Variants in PHACTR1 observed in about 807,000 individuals in gnomAD.
PHACTR1 encodes the protein RPEL repeat containing 1.
A neutral mutation model predicts 69.2 loss-of-function variants in PHACTR1; 16 were observed. The observed-to-expected ratio is 0.23, with a 90% CI of 0.16 to 0.35. PHACTR1 has a LOEUF of 0.35. PHACTR1 is among the 10% of genes least tolerant of loss of function. PHACTR1 has a pLI of 1.00. For synonymous variants in PHACTR1, 312 were observed against 284.5 expected, an observed-to-expected ratio of 1.10 and a Z score of -0.97; for missense variants, 510 against 734.7, an observed-to-expected ratio of 0.69 and a Z score of 3.54.
At chr6:12,823,972 C>G (rs890142541) in intron 4 of PHACTR1, among the ~76,000 whole-genome samples, 5 of 152,132 alleles carry the variant, frequency 3.3e-5, no homozygotes, top group African/African-American at 1.2e-4. Flanking sequence ...CCCCAACCCC[C>G]GGGCCAGGGA....
chr6:13,094,259 T>G (rs1258806765), intron 5 of PHACTR1, among the ~76,000 whole-genome samples: 1 of 151,896 alleles, frequency 6.6e-6, no homozygotes, highest in East Asian at 1.9e-4. Context: ...TGTATTATAC[T>G]TTTTCTGTGG....
At chr6:12,748,429 A>G (rs1439345747) in intron 3 of PHACTR1, among the ~76,000 whole-genome samples, 1 of 152,194 alleles carries the variant, frequency 6.6e-6, no homozygotes, top group African/African-American at 2.4e-5. Flanking sequence ...GTAAGATTTA[A>G]TCTGTACTCC....
At chr6:13,123,638 G>T (rs1392366680) in intron 5 of PHACTR1, among the ~76,000 whole-genome samples, 1 of 152,178 alleles carries the variant, frequency 6.6e-6, no homozygotes, top group Non-Finnish European at 1.5e-5. Flanking sequence ...GGGGTGTTTT[G>T]TTGTTGTTGT....
chr6:12,725,039 T>C (rs1011073254), intron 3 of PHACTR1, among the ~76,000 whole-genome samples: 1 of 152,142 alleles, frequency 6.6e-6, no homozygotes, highest in Admixed American at 6.6e-5. Flanking sequence ...CATTGTCTTG[T>C]TCAAAAAAGG....
chr6:13,096,980 A>C (rs1327551414), intron 5 of PHACTR1, among the ~76,000 whole-genome samples: 1 of 152,244 alleles, frequency 6.6e-6, no homozygotes, highest in Admixed American at 6.5e-5. Context: ...TTAAATGTAT[A>C]GTGAATAATT....
At chr6:13,173,379 C>T (rs1223551) in intron 6 of PHACTR1, among the ~76,000 whole-genome samples, 42,580 of 151,956 alleles carry the variant, frequency 0.28, 6,460 homozygotes, top group South Asian at 0.48. Flanking sequence ...AATATATTGC[C>T]TTCTATGCTC....
At chr6:13,221,303 G>T (rs954460080) in intron 8 of PHACTR1, among the ~76,000 whole-genome samples, 2 of 152,112 alleles carry the variant, frequency 1.3e-5, no homozygotes, top group African/African-American at 4.8e-5. Flanking sequence ...AGATCGTGAG[G>T]CACCTCTTAA....
At chr6:12,909,632 A>G (rs1582427696) in intron 4 of PHACTR1, among the ~76,000 whole-genome samples, 1 of 152,214 alleles carries the variant, frequency 6.6e-6, no homozygotes, top group East Asian at 1.9e-4. Context: ...AGTGCAGTGT[A>G]AATACAATGG....
At chr6:13,286,457 A>G (rs1192222471) in intron 14 of PHACTR1, among the ~76,000 whole-genome samples, 1 of 152,218 alleles carries the variant, frequency 6.6e-6, no homozygotes, top group Non-Finnish European at 1.5e-5. Flanking sequence ...CATTTAAACT[A>G]AAGGTCTGAT....
chr6:12,752,455 A>G (rs1254600076), intron 4 of PHACTR1, among the ~76,000 whole-genome samples: 1 of 152,144 alleles, frequency 6.6e-6, no homozygotes, highest in African/African-American at 2.4e-5. Flanking sequence ...CCAAACAATT[A>G]CTTATTGTTT....
At chr6:12,732,433 G>A (rs566194167) in intron 3 of PHACTR1, among the ~76,000 whole-genome samples, 11 of 152,098 alleles carry the variant, frequency 7.2e-5, no homozygotes, top group South Asian at 2.1e-4. Context: ...GTGTCATGGC[G>A]GTTTGCTGCA....
intron 5 of PHACTR1, among the ~76,000 whole-genome samples, chr6:13,105,761 A>G (rs1006603773): frequency 1.3e-5 from 2 of 152,204 alleles, no homozygotes; most frequent in East Asian, 3.8e-4. Flanking sequence ...CTGAGACAAA[A>G]TTAATGTAAG....
At chr6:13,237,486 A>C (rs988187381) in intron 10 of PHACTR1, among the ~76,000 whole-genome samples, 1 of 152,168 alleles carries the variant, frequency 6.6e-6, no homozygotes, top group Non-Finnish European at 1.5e-5. Flanking sequence ...TGGATGGTGT[A>C]GTTTATTCTA....
intron 4 of PHACTR1, among the ~76,000 whole-genome samples, chr6:13,040,381 A>C (rs887479637): frequency 6.6e-6 from 1 of 152,208 alleles, no homozygotes; most frequent in Non-Finnish European, 1.5e-5. Flanking sequence ...AAATAGAGCT[A>C]ATTTAGTTAA....
chr6:12,977,596 G>A (rs1398026027), intron 4 of PHACTR1, among the ~76,000 whole-genome samples: 1 of 152,214 alleles, frequency 6.6e-6, no homozygotes, highest in Non-Finnish European at 1.5e-5. Context: ...GGATTTGTGT[G>A]AATCATTTGA....
intron 5 of PHACTR1, among the ~76,000 whole-genome samples, chr6:13,082,881 C>A (rs1811639163): frequency 6.6e-6 from 1 of 151,998 alleles, no homozygotes; most frequent in South Asian, 2.1e-4. Context: ...AAATTTTCTC[C>A]CATTCTGTAG....
chr6:12,764,534 T>G (rs1768385981), intron 4 of PHACTR1, among the ~76,000 whole-genome samples: 2 of 152,206 alleles, frequency 1.3e-5, no homozygotes, highest in Non-Finnish European at 2.9e-5. Flanking sequence ...CTGAAGTCCT[T>G]CATTTCTGTA....
At chr6:13,090,077 G>T (rs370161469) in intron 5 of PHACTR1, among the ~76,000 whole-genome samples, 2 of 152,178 alleles carry the variant, frequency 1.3e-5, no homozygotes, top group East Asian at 1.9e-4. Context: ...TTTTTGAGAC[G>T]GAGTTTCGCT....
At chr6:12,898,517 A>G (rs1477951505) in intron 4 of PHACTR1, among the ~76,000 whole-genome samples, 1 of 152,212 alleles carries the variant, frequency 6.6e-6, no homozygotes, top group Non-Finnish European at 1.5e-5. Context: ...ATCCTCCTTC[A>G]TGACCAAATG....
Sources: gnomAD v4.1 joint callset for allele counts (sites outside exome capture counted in the v4.1 genomes callset) on GRCh38, gnomAD v4.1.1 for gene constraint, MANE v1.5 for transcripts, NCBI Gene and HGNC (gene_info 2026-07-23, HGNC 2026-07-21) for gene names.